Variants in EZH2 observed in about 807,000 individuals in gnomAD.
EZH2 encodes enhancer of zeste 2 polycomb repressive complex 2 subunit.
EZH2 carries 18 observed loss-of-function variants against 98.4 expected under a neutral mutation model. That is an observed-to-expected ratio of 0.18 (90% CI 0.13 to 0.27). The LOEUF is 0.27. EZH2 is among the 10% of genes least tolerant of loss of function. EZH2 has a pLI of 1.00. For synonymous variants in EZH2, 338 were observed against 312.3 expected, an observed-to-expected ratio of 1.08 and a Z score of -0.87; for missense variants, 470 against 935.1, an observed-to-expected ratio of 0.50 and a Z score of 6.49.
At chr7:148,824,001 A>G (rs868829226) in intron 8 of EZH2, among the ~76,000 whole-genome samples, 1 of 152,154 alleles carries the variant, frequency 6.6e-6, no homozygotes, top group Non-Finnish European at 1.5e-5. Context: ...CCAGAAAACT[A>G]AAGCACAAAA....
At chr7:148,869,190 C>T (rs960103995) in intron 1 of EZH2, among the ~76,000 whole-genome samples, 1 of 142,212 alleles carries the variant, frequency 7.0e-6, no homozygotes, top group Non-Finnish European at 1.5e-5. Flanking sequence ...CATATAACCA[C>T]TGGATTAAAT....
intron 1 of EZH2, among the ~76,000 whole-genome samples, chr7:148,850,630 T>C (rs144369962): frequency 8.7e-4 from 132 of 152,324 alleles, no homozygotes; most frequent in Admixed American, 1.5e-3. Flanking sequence ...CACATTTTCA[T>C]GTATTTCACT....
At chr7:148,883,157 ATGT>A (rs1323191900) in intron 1 of EZH2, 1 of 152,196 alleles carries the variant, frequency 6.6e-6, no homozygotes, top group African/African-American at 2.4e-5. Context: ...ACAGCTTGTA[ATGT>A]TTAAGGATTA....
At chr7:148,829,348 G>A (rs1294592998) in intron 5 of EZH2, among the ~76,000 whole-genome samples, 1 of 152,116 alleles carries the variant, frequency 6.6e-6, no homozygotes, top group Non-Finnish European at 1.5e-5. Flanking sequence ...TAGAGGAGCG[G>A]TATTTTTTAG....
chr7:148,828,678 C>A, intron 6 of EZH2, 62 bp downstream of exon 6: 1 of 1,561,948 alleles, frequency 6.4e-7, no homozygotes, highest in Middle Eastern at 1.7e-4. Flanking sequence ...TATTTCTACT[C>A]TTTCTACTGT....
chr7:148,824,881 C>T (rs1486306376), intron 8 of EZH2, among the ~76,000 whole-genome samples: 1 of 152,034 alleles, frequency 6.6e-6, no homozygotes, highest in African/African-American at 2.4e-5. Flanking sequence ...CCAATTAGCC[C>T]CATGAAAGCC....
At chr7:148,845,295 G>A (rs577186068) in intron 3 of EZH2, among the ~76,000 whole-genome samples, 1 of 152,232 alleles carries the variant, frequency 6.6e-6, no homozygotes, top group South Asian at 2.1e-4. Flanking sequence ...ACGTTCTGAT[G>A]GGCATCAAAA....
chr7:148,880,932 C>T (rs1820864042), intron 1 of EZH2, among the ~76,000 whole-genome samples: 1 of 152,126 alleles, frequency 6.6e-6, no homozygotes, highest in African/African-American at 2.4e-5. Context: ...AGTCATGCTA[C>T]AATAAAATAT....
intron 1 of EZH2, among the ~76,000 whole-genome samples, chr7:148,865,336 A>C (rs1449316587): frequency 6.6e-6 from 1 of 152,200 alleles, no homozygotes; most frequent in Non-Finnish European, 1.5e-5. Context: ...ATCTAATTTA[A>C]CTTACACAAA....
At chr7:148,880,335 G>T (rs1820779724) in intron 1 of EZH2, among the ~76,000 whole-genome samples, 2 of 152,092 alleles carry the variant, frequency 1.3e-5, no homozygotes, top group African/African-American at 4.8e-5. Flanking sequence ...TTCAGTTTTA[G>T]CTCCAAAACC....
chr7:148,884,064 G>A (rs1356676301), intron 1 of EZH2, 100 bp downstream of exon 1: 1 of 151,980 alleles, frequency 6.6e-6, no homozygotes, highest in Non-Finnish European at 1.5e-5. Flanking sequence ...CGATACCCGG[G>A]ACCGGCACAG....
chr7:148,840,507 C>A (rs1812146031), intron 3 of EZH2, among the ~76,000 whole-genome samples: 1 of 152,116 alleles, frequency 6.6e-6, no homozygotes, highest in Non-Finnish European at 1.5e-5. Context: ...ACTACAGGGA[C>A]TTTTGCTTTC....
At chr7:148,841,683 A>G (rs1028215881) in intron 3 of EZH2, among the ~76,000 whole-genome samples, 1 of 152,244 alleles carries the variant, frequency 6.6e-6, no homozygotes, top group African/African-American at 2.4e-5. Flanking sequence ...TAAATTATAC[A>G]TGAAATACAC....
intron 3 of EZH2, among the ~76,000 whole-genome samples, chr7:148,842,854 C>G (rs1812822297): frequency 6.6e-6 from 1 of 151,682 alleles, no homozygotes; most frequent in Non-Finnish European, 1.5e-5. Context: ...TTGCTTGAGC[C>G]CAGGAGTTCG....
chr7:148,859,182 A>G (rs1316157970), intron 1 of EZH2, among the ~76,000 whole-genome samples: 5 of 152,240 alleles, frequency 3.3e-5, no homozygotes, highest in Admixed American at 1.3e-4. Context: ...GTGCCCTTAT[A>G]CAGCTTAAAA....
intron 1 of EZH2, among the ~76,000 whole-genome samples, chr7:148,855,382 A>C (rs1382194933): frequency 6.7e-6 from 1 of 150,032 alleles, no homozygotes; most frequent in Non-Finnish European, 1.5e-5. Context: ...AAAAAGCAAG[A>C]GTTTGGACTC....
chr7:148,867,734 T>C (rs1244697457), intron 1 of EZH2, among the ~76,000 whole-genome samples: 3 of 152,232 alleles, frequency 2.0e-5, no homozygotes, highest in Non-Finnish European at 4.4e-5. Context: ...TTTTATGTTC[T>C]GCTTCCCTTT....
intron 7 of EZH2, 89 bp from the exon 8 acceptor site, chr7:148,826,721 T>G: frequency 9.0e-7 from 1 of 1,107,466 alleles, no homozygotes; most frequent in Non-Finnish European, 1.2e-6. Context: ...TGTGTTACTT[T>G]TGATGTTTAT....
intron 1 of EZH2, among the ~76,000 whole-genome samples, chr7:148,875,797 T>G (rs1820089749): frequency 6.6e-6 from 1 of 152,238 alleles, no homozygotes; most frequent in Non-Finnish European, 1.5e-5. Context: ...AACAGTCCTA[T>G]GTGTCCATCC....
Sources: gnomAD v4.1 joint callset for allele counts (sites outside exome capture counted in the v4.1 genomes callset) on GRCh38, gnomAD v4.1.1 for gene constraint, MANE v1.5 for transcripts, NCBI Gene and HGNC (gene_info 2026-07-23, HGNC 2026-07-21) for gene names.